ZNF501: variants seen among roughly 807,000 people sequenced by gnomAD.
ZNF501 encodes the protein zinc finger protein 501, also known as zinc finger protein 52.
ZNF501 carries 7 observed loss-of-function variants against 5.7 expected under a neutral mutation model. The observed-to-expected ratio is 1.24, with a 90% confidence interval of 0.70 to 2.32. The LOEUF (loss-of-function observed/expected upper bound fraction) is 2.32, where lower values mean the gene tolerates loss of function less well. Ranked by LOEUF, ZNF501 falls within the 30% of genes most tolerant of loss-of-function variation. The probability of loss-of-function intolerance (pLI) is 0.00; values close to 1 mark genes in which losing one functional copy is unlikely to be tolerated. For missense variants in ZNF501, 352 were observed against 321.1 expected, an observed-to-expected ratio of 1.10 and a Z score of -0.73; for synonymous variants, 107 against 101.9, an observed-to-expected ratio of 1.05 and a Z score of -0.30.
intron 1 of ZNF501, among the ~76,000 whole-genome samples, chr3:44,730,516 C>G (rs1704596257): frequency 6.6e-6 from 1 of 152,128 alleles, no homozygotes; most frequent in Non-Finnish European, 1.5e-5. Context: ...CTTATTTGAC[C>G]AAATGAGGAA....
intron 2 of ZNF501, among the ~76,000 whole-genome samples, chr3:44,733,828 A>G (rs1704651911): frequency 6.6e-6 from 1 of 152,230 alleles, no homozygotes; most frequent in Non-Finnish European, 1.5e-5. Flanking sequence ...AAGGTGACTG[A>G]ATGAAGAAGG....
At chr3:44,733,645 C>CAG (rs1463017848) in intron 2 of ZNF501, among the ~76,000 whole-genome samples, 4 of 134,500 alleles carry the variant, frequency 3.0e-5, no homozygotes. Flanking sequence ...ATTAAACCTT[C>CAG]TTCTTTAAGG....
In ZNF501 at chr3:44,734,862, A is replaced by G. The variant is rs772165442; in HGVS notation, c.441A>G (p.Ile147Met). 2.5e-6 allele frequency: 4 copies of G among 1,613,956 alleles called. No homozygotes were observed. The highest frequency in any genetic ancestry group is 1.6e-4 in the Middle Eastern group (1 of 6,062). Residue 147 changes from isoleucine (I) to methionine (M), a missense_variant, in exon 3 of 3, where the codon ATA (isoleucine) becomes ATG (methionine). By Grantham distance (10) the Ile-to-Met change is conservative (BLOSUM62 1). Transcript: ENST00000620116. ...TECGKAFSQS[I>M]CLTRHQRSHS... Reference sequence around the variant, plus strand: ...GTGGCAAAGCCTTCAGTCAGAGCATATGCCTTACTCGTCATCAGAGAAGTC... The same window carrying G: ...GTGGCAAAGCCTTCAGTCAGAGCATGTGCCTTACTCGTCATCAGAGAAGTC...
chr3:44,734,724 T>C lies in ZNF501; in HGVS notation c.303T>C (p.Thr101=). Reference sequence around the variant, plus strand: ...TTGTTCAGCATCTGAGAATTCATACTGGAGAGAAACCCTATAAATGCAATG... The same window carrying C: ...TTGTTCAGCATCTGAGAATTCATACCGGAGAGAAACCCTATAAATGCAATG... ...AILVQHLRIH[T]GEKPYKCNEC... The change falls in exon 3 of 3, where the codon ACT becomes ACC. Residue 101 remains threonine, a synonymous_variant. Transcript: ENST00000620116. 14 of 1,614,128 alleles carry C rather than the reference T, an allele frequency of 8.7e-6. No individual in the cohort carries two copies. The highest frequency in any genetic ancestry group is 1.2e-5 in the Non-Finnish European group (14 of 1,180,016).
chr3:44,735,030 T>C lies in ZNF501; in HGVS notation c.609T>C (p.Ser203=), dbSNP rs758906834. 1.9e-6 allele frequency: 3 copies of C among 1,614,058 alleles called. No homozygotes were observed. Among genetic ancestry groups the C allele is most frequent in the African/African-American group, 2.7e-5 (2 of 74,934 alleles). The change falls in exon 3 of 3, where the codon TCT becomes TCC. Residue 203 remains serine (S), a synonymous_variant. Coordinates refer to ENST00000620116, the MANE Select transcript of ZNF501 (RefSeq NM_001258280.2). ...GTGGTAAAGCCTTCACTCAGAACTCTTCCCTTGTTGAACATGAAAGGACTC... is the reference window on the plus strand; with the variant it reads ...GTGGTAAAGCCTTCACTCAGAACTCCTCCCTTGTTGAACATGAAAGGACTC... The part of the protein sequence containing the change: ...TECGKAFTQN[S]SLVEHERTHT...
Position 44,734,641 on chromosome 3 carries a change from G to A in ZNF501, c.220G>A (p.Gly74Arg), listed in dbSNP as rs200165124. The change falls in exon 3 of 3, where the codon GGA (glycine) becomes AGA (arginine). Residue 74 changes from glycine (G) to arginine (R), a missense_variant. By Grantham distance (125) the Gly-to-Arg change is moderately radical. Transcript: ENST00000620116. ...TACTCAACATCTGAGAATTCATACC[G>A]GAGAGAAACCTTATAAATGTAATGA... ...NLTQHLRIHT[G>R]EKPYKCNECE... The A allele has an allele frequency of 3.2e-5, 52 of 1,614,088 alleles. No individual in the cohort carries two copies. The highest frequency in any genetic ancestry group is 1.7e-4 in the Middle Eastern group (1 of 6,060).
At chr3:44,730,237 A>G (rs566074950) in intron 1 of ZNF501, among the ~76,000 whole-genome samples, 1 of 152,318 alleles carries the variant, frequency 6.6e-6, no homozygotes, top group East Asian at 1.9e-4. Context: ...TCTCCATTTA[A>G]CAGTTGAAAA....
Position 44,735,083 on chromosome 3 carries a change from G to A in ZNF501, c.662G>A (p.Ser221Asn). Residue 221 changes from serine to asparagine, a missense_variant, in exon 3 of 3, where the codon AGT becomes AAT. By Grantham distance (46) the Ser-to-Asn change is conservative. Transcript: ENST00000620116. ...THTGEKLYKC[S>N]ECEKTFRKQA... ...ACTGGAGAGAAACTTTATAAGTGTAGTGAGTGTGAAAAAACTTTCCGCAAA... is the reference window on the plus strand; with the variant it reads ...ACTGGAGAGAAACTTTATAAGTGTAATGAGTGTGAAAAAACTTTCCGCAAA... 6.2e-7 allele frequency: 1 copy of A among 1,614,146 alleles called. No individual in the cohort carries two copies. The highest frequency in any genetic ancestry group is 8.5e-7 in the Non-Finnish European group (1 of 1,180,008).
chr3:44,734,604 A>G lies in ZNF501; in HGVS notation c.183A>G (p.Lys61=). Reference sequence around the variant, plus strand: ...GTGAATGTGGAAGTTGTTTCCGTAAACAGTCAAATCTTACTCAACATCTGA... The same window carrying G: ...GTGAATGTGGAAGTTGTTTCCGTAAGCAGTCAAATCTTACTCAACATCTGA... ...VCSECGSCFR[K]QSNLTQHLRI... Residue 61 remains lysine (K), a synonymous_variant, in exon 3 of 3, where the codon AAA becomes AAG. Coordinates refer to ENST00000620116, the MANE Select transcript of ZNF501 (RefSeq NM_001258280.2). The G allele has an allele frequency of 1.2e-6, 2 of 1,614,114 alleles. No individual in the cohort carries two copies. The highest frequency in any genetic ancestry group is 2.2e-5 in the South Asian group (2 of 91,072).
chr3:44,736,576 A>G lies in ZNF501; in HGVS notation c.*1339A>G, dbSNP rs1382481909. 6.0e-6 allele frequency: 1 copy of G among 167,098 alleles called. No individual in the cohort carries two copies. The highest frequency in any genetic ancestry group is 2.4e-5 in the African/African-American group (1 of 41,458). 10.4% of individuals were successfully genotyped at this position (167,098 alleles called of 1,614,324 possible). A position where few individuals can be genotyped will look rare whatever the true frequency, so the allele number is the denominator to read the frequency against. ...CTGTGAAAACCAGACACAGGTGGCCAGGTGGGTGTCGAACTCCTGACCTCA... is the reference window on the plus strand; with the variant it reads ...CTGTGAAAACCAGACACAGGTGGCCGGGTGGGTGTCGAACTCCTGACCTCA... On this transcript the variant is annotated 3_prime_UTR_variant, in exon 3 of 3. Transcript: ENST00000620116.
rs765199674 is a variant in ZNF501, at chr3:44,734,545, A to C, written c.124A>C (p.Arg42=). The C allele has an allele frequency of 6.2e-7, 1 of 1,614,202 alleles. No homozygotes were observed. Among genetic ancestry groups the C allele is most frequent in the Non-Finnish European group, 8.5e-7 (1 of 1,180,018 alleles). Residue 42 remains arginine (R), a synonymous_variant, in exon 3 of 3, where the codon AGG becomes CGG. Coordinates refer to ENST00000620116, the MANE Select transcript of ZNF501 (RefSeq NM_001258280.2). ...GAGATCATCTCTTACCCAGCACCAG[A>C]GGATTCACAGAGGAGAGAAGCCCTA... ...TQRSSLTQHQ[R]IHRGEKPYVC...
Position 44,734,866 on chromosome 3 carries a change from C to T in ZNF501, c.445C>T (p.Leu149Phe). The T allele has an allele frequency of 6.2e-7, 1 of 1,613,782 alleles. No homozygotes were observed. Residue 149 changes from leucine (L) to phenylalanine (F), a missense_variant, in exon 3 of 3, where the codon CTT becomes TTT. Transcript: ENST00000620116. ...CGKAFSQSICLTRHQRSHSGD... is the reference protein window; with the variant it reads ...CGKAFSQSICFTRHQRSHSGD... ...CAAAGCCTTCAGTCAGAGCATATGC[C>T]TTACTCGTCATCAGAGAAGTCATTC...
intron 2 of ZNF501, among the ~76,000 whole-genome samples, chr3:44,733,871 C>T (rs1704652659): frequency 1.3e-5 from 2 of 152,184 alleles, no homozygotes; most frequent in South Asian, 4.1e-4. Flanking sequence ...AAGTTACAGC[C>T]TGGATCACAT....
chr3:44,733,005 T>G (rs1160039385), intron 2 of ZNF501, among the ~76,000 whole-genome samples: 3 of 152,136 alleles, frequency 2.0e-5, no homozygotes, highest in Non-Finnish European at 4.4e-5. Flanking sequence ...TTATTTTTTG[T>G]AGAGACAGCA....
intron 2 of ZNF501, among the ~76,000 whole-genome samples, chr3:44,733,186 A>G (rs1704639445): frequency 2.0e-5 from 3 of 152,316 alleles, no homozygotes; most frequent in South Asian, 4.1e-4. Context: ...TGTGTAATTT[A>G]CATGATTAGA....
chr3:44,732,515 A>G (rs890594904), intron 2 of ZNF501, among the ~76,000 whole-genome samples: 1 of 152,228 alleles, frequency 6.6e-6, no homozygotes, highest in Non-Finnish European at 1.5e-5. Flanking sequence ...TAGTCCACAT[A>G]TTTAACAAAC....
Position 44,735,449 on chromosome 3 carries a change from C to G in ZNF501, c.*212C>G. The G allele has an allele frequency of 2.4e-6, 1 of 410,828 alleles. No homozygotes were observed. Among genetic ancestry groups the G allele is most frequent in the Non-Finnish European group, 4.5e-6 (1 of 222,816 alleles). The allele number at this position is 410,828 out of a possible 1,614,324, so 25.4% of individuals were successfully genotyped here. A position where few individuals can be genotyped will look rare whatever the true frequency, so the allele number is the denominator to read the frequency against. ...CTTATCCCTTCTGAGCCTCAGTTTC[C>G]CCATTCCCCCCAATAGAAAAATGGG... On this transcript the variant is annotated 3_prime_UTR_variant, in exon 3 of 3. Transcript: ENST00000620116.
intron 2 of ZNF501, among the ~76,000 whole-genome samples, 189 bp from the exon 3 acceptor site, chr3:44,734,008 G>A (rs759987366): frequency 2.6e-5 from 4 of 152,126 alleles, no homozygotes; most frequent in South Asian, 2.1e-4. Flanking sequence ...GTAAGTTTCC[G>A]TAACACTTAT....
chr3:44,732,507 G>A (rs1354984215), intron 2 of ZNF501, among the ~76,000 whole-genome samples: 2 of 152,200 alleles, frequency 1.3e-5, no homozygotes, highest in Admixed American at 1.3e-4. Flanking sequence ...AGGTAAGATA[G>A]TCCACATATT....
Sources: allele counts gnomAD v4.1 joint callset (sites outside exome capture counted in the v4.1 genomes callset), GRCh38; gene constraint gnomAD v4.1.1; transcripts MANE v1.5; gene names NCBI Gene and HGNC (gene_info 2026-07-23, HGNC 2026-07-21).